FRAS1: variants seen among roughly 807,000 people sequenced by gnomAD.
FRAS1 encodes the protein Fraser extracellular matrix complex subunit 1, also known as extracellular matrix organizing protein FRAS1.
In FRAS1, 290 loss-of-function variants were observed where a neutral mutation model predicts 435.2. That is an observed-to-expected ratio of 0.67 (90% CI 0.61 to 0.73). The LOEUF (loss-of-function observed/expected upper bound fraction) is 0.73, where lower values mean the gene tolerates loss of function less well. Among genes scored for constraint, FRAS1 ranks in the 30% least tolerant of loss-of-function variants. The pLI is 0.00. For synonymous variants in FRAS1, 1,800 were observed against 1,851.0 expected (o/e 0.97, Z 0.71); for missense variants, 4,860 against 5,001.5 (o/e 0.97, Z 0.85).
At chr4:78,084,912 A>G (rs1467602797) in intron 2 of FRAS1, among the ~76,000 whole-genome samples, 1 of 152,158 alleles carries the variant, frequency 6.6e-6, no homozygotes, top group Non-Finnish European at 1.5e-5. Flanking sequence ...GCTTCCATTA[A>G]AAATTTAGAA....
At position 78,538,608 on chromosome 4, in the gene FRAS1, C is replaced by T. The variant is rs373076321; in HGVS notation, c.11299-686C>T. Among the ~76,000 whole-genome samples, 31 of 152,236 alleles carry T rather than the reference C, an allele frequency of 2.0e-4. 1 individual carries two copies. The South Asian group carries it at 3.7e-3, about 18-fold the overall frequency. ...CAGAAGGGGAAGCAAATACATCCTTCTTCACATAGGGGCAGCAAGAAGTGC... is the reference window on the plus strand; with the variant it reads ...CAGAAGGGGAAGCAAATACATCCTTTTTCACATAGGGGCAGCAAGAAGTGC... On this transcript the variant is annotated intron_variant, in intron 72 of 73. Transcript: ENST00000512123.
At chr4:78,534,753 C>T (rs990772507) in intron 71 of FRAS1, 138 bp downstream of exon 71, 5 of 732,142 alleles carry the variant, frequency 6.8e-6, no homozygotes, top group Non-Finnish European at 1.1e-5. Context: ...GGTTCCAGGA[C>T]AGCCAGGACT....
At chr4:78,305,918 C>T (rs13134734) in intron 14 of FRAS1, among the ~76,000 whole-genome samples, 1 of 150,670 alleles carries the variant, frequency 6.6e-6, no homozygotes, top group Admixed American at 6.6e-5. Context: ...ATGTTAGCTG[C>T]TTATTTTGCT....
chr4:78,277,250 C>T (rs1361136445), intron 9 of FRAS1, among the ~76,000 whole-genome samples: 6 of 152,272 alleles, frequency 3.9e-5, no homozygotes, highest in South Asian at 2.1e-4. Context: ...ATTCCCTGAC[C>T]CCTTGCACTT....
intron 35 of FRAS1, 32 bp from the exon 36 acceptor site, chr4:78,429,039 CGTGTCTCTGTGTGTGTGTGTGTGT>C (rs2110384629): frequency 7.2e-7 from 1 of 1,398,094 alleles, no homozygotes. Context: ...TGTGTGTGTG[CGTGTCTCTGTGTGTGTGTGTGTGT>C]CTCTGTGTGT....
chr4:78,511,227 G>A (rs941993243), intron 63 of FRAS1, 47 bp from the exon 64 acceptor site: 10 of 1,442,600 alleles, frequency 6.9e-6, no homozygotes, highest in Non-Finnish European at 9.4e-6. Context: ...GTAAGGAGCT[G>A]TTTAAGTAGG....
At position 78,181,853 on chromosome 4, in the gene FRAS1, G is replaced by A. The variant is rs576332802; in HGVS notation, c.109-55657G>A. 18 of 1,612,044 alleles carry A rather than the reference G, an allele frequency of 1.1e-5. No individual in the cohort carries two copies. The Admixed American group carries it at 2.2e-4, about 19-fold the overall frequency. ...CTCCTTGCGCAGCTGTTTGCCTGCCGCGTTGGAGTTGGTCTGGGCCGCCGC... is the reference window on the plus strand; with the variant it reads ...CTCCTTGCGCAGCTGTTTGCCTGCCACGTTGGAGTTGGTCTGGGCCGCCGC... On this transcript the variant is annotated intron_variant, in intron 2 of 73. Coordinates refer to ENST00000512123, the MANE Select transcript of FRAS1 (RefSeq NM_025074.7).
intron 32 of FRAS1, among the ~76,000 whole-genome samples, chr4:78,417,953 A>G (rs1733617655): frequency 1.3e-5 from 2 of 152,208 alleles, no homozygotes; most frequent in South Asian, 4.1e-4. Flanking sequence ...GAGGGGCCCC[A>G]GCTCAGGCTA....
intron 47 of FRAS1, 82 bp from the exon 48 acceptor site, chr4:78,463,939 A>G: frequency 1.4e-6 from 2 of 1,448,126 alleles, no homozygotes; most frequent in South Asian, 2.4e-5. Flanking sequence ...CTATCTGGTG[A>G]GAGTATGACA....
At chr4:78,101,860 A>T (rs1742148680) in intron 2 of FRAS1, among the ~76,000 whole-genome samples, 1 of 152,174 alleles carries the variant, frequency 6.6e-6, no homozygotes, top group South Asian at 2.1e-4. Context: ...ACATCCATCG[A>T]GGCAGAGTGT....
chr4:78,109,259 A>C (rs1431722336), intron 2 of FRAS1, among the ~76,000 whole-genome samples: 1 of 79,426 alleles, frequency 1.3e-5, no homozygotes, highest in South Asian at 5.7e-4. Flanking sequence ...TGAGGCCAGC[A>C]TCATTCTGAT....
chr4:78,263,348 C>T (rs1339261003), intron 6 of FRAS1, among the ~76,000 whole-genome samples: 1 of 152,176 alleles, frequency 6.6e-6, no homozygotes, highest in Non-Finnish European at 1.5e-5. Context: ...TTGATCAATA[C>T]AATGTATAAT....
intron 2 of FRAS1, chr4:78,072,020 T>C (rs1198296547): frequency 1.3e-5 from 2 of 151,094 alleles, no homozygotes; most frequent in East Asian, 3.9e-4. Flanking sequence ...CTAAATATGT[T>C]TTCTTTTTTG....
chr4:78,445,459 G>T, intron 41 of FRAS1, 63 bp from the exon 42 acceptor site: 3 of 1,436,470 alleles, frequency 2.1e-6, no homozygotes, highest in Admixed American at 2.5e-5. Flanking sequence ...TTGTTTTCTA[G>T]TTCAGCCTAG....
intron 67 of FRAS1, among the ~76,000 whole-genome samples, chr4:78,520,856 TATTTCTC>T (rs1721365638): frequency 6.6e-6 from 1 of 152,228 alleles, no homozygotes; most frequent in Non-Finnish European, 1.5e-5. Flanking sequence ...TTTGGCTTTA[TATTTCTC>T]ATGGGAAAAT....
intron 22 of FRAS1, among the ~76,000 whole-genome samples, chr4:78,367,639 AT>A (rs113396997): frequency 0.21 from 30,916 of 148,774 alleles, 4,588 homozygotes; most frequent in African/African-American, 0.42. Context: ...AAAATCTTAG[AT>A]TTTTTTTTTT....
At chr4:78,493,398 C>A (rs1720421820) in intron 59 of FRAS1, among the ~76,000 whole-genome samples, 1 of 152,120 alleles carries the variant, frequency 6.6e-6, no homozygotes, top group Admixed American at 6.6e-5. Flanking sequence ...AGACTTGGAA[C>A]CAACCCAAAT....
intron 2 of FRAS1, among the ~76,000 whole-genome samples, chr4:78,069,271 C>G (rs1282166207): frequency 6.6e-6 from 1 of 152,132 alleles, no homozygotes; most frequent in Non-Finnish European, 1.5e-5. Flanking sequence ...GGTGAGTAAC[C>G]AGAAGTAGGT....
At chr4:78,504,832 C>T (rs1417999555) in intron 61 of FRAS1, among the ~76,000 whole-genome samples, 1 of 152,172 alleles carries the variant, frequency 6.6e-6, no homozygotes, top group Non-Finnish European at 1.5e-5. Context: ...ATGGTCTTTA[C>T]AATTTGGCAT....
Sources: gnomAD v4.1 joint callset for allele counts (sites outside exome capture counted in the v4.1 genomes callset) on GRCh38, gnomAD v4.1.1 for gene constraint, MANE v1.5 for transcripts, NCBI Gene and HGNC (gene_info 2026-07-23, HGNC 2026-07-21) for gene names.